DENND4A: variants seen among roughly 807,000 people sequenced by gnomAD.
DENND4A encodes the protein C-myc promoter-binding protein.
DENND4A carries 70 observed loss-of-function variants against 199.3 expected under a neutral mutation model. The ratio of observed to expected loss-of-function variants is 0.35; its 90% CI spans 0.29 to 0.43. The LOEUF is 0.43. DENND4A is among the 20% of genes least tolerant of loss of function. The pLI, the probability that DENND4A is intolerant of heterozygous loss-of-function variation, is 1.00. For synonymous variants in DENND4A, 686 were observed against 766.9 expected (o/e 0.89, Z 1.74); for missense variants, 1,723 against 2,255.8 (o/e 0.76, Z 4.78).
intron 6 of DENND4A, 24 bp downstream of exon 6, chr15:65,738,682 T>C: frequency 6.3e-7 from 1 of 1,576,078 alleles, no homozygotes; most frequent in African/African-American, 1.4e-5. Context: ...AATTTGTAGA[T>C]ACAATTTGTC....
At chr15:65,783,171 A>T (rs932667769) in intron 1 of DENND4A, among the ~76,000 whole-genome samples, 7 of 152,218 alleles carry the variant, frequency 4.6e-5, no homozygotes, top group African/African-American at 9.6e-5. Flanking sequence ...TGAAACTGGA[A>T]ACTCTAACAA....
At chr15:65,736,653 C>T (rs2076127870) in intron 7 of DENND4A, among the ~76,000 whole-genome samples, 1 of 152,052 alleles carries the variant, frequency 6.6e-6, no homozygotes, top group African/African-American at 2.4e-5. Context: ...ATTTGTCAAG[C>T]TTGGTGCAGT....
intron 32 of DENND4A, among the ~76,000 whole-genome samples, chr15:65,664,063 T>C (rs2075961979): frequency 1.3e-5 from 2 of 152,214 alleles, no homozygotes; most frequent in South Asian, 2.1e-4. Context: ...GTGTACAATT[T>C]AGTGTTTTTT....
At chr15:65,729,726 A>T in intron 9 of DENND4A, 48 bp from the exon 10 acceptor site, 4 of 1,495,716 alleles carry the variant, frequency 2.7e-6, no homozygotes, top group Non-Finnish European at 3.6e-6. Context: ...TGATCCAAAC[A>T]CCTCATTATC....
intron 4 of DENND4A, among the ~76,000 whole-genome samples, chr15:65,750,475 C>T (rs1371090587): frequency 4.0e-5 from 6 of 150,764 alleles, no homozygotes; most frequent in Non-Finnish European, 7.4e-5. Context: ...AAATGTACTC[C>T]GATTTTAAAA....
chr15:65,747,151 T>C (rs1452875250), intron 4 of DENND4A, among the ~76,000 whole-genome samples: 1 of 150,720 alleles, frequency 6.6e-6, no homozygotes, highest in African/African-American at 2.4e-5. Flanking sequence ...ACTAAGGAGA[T>C]AGTCTCAAAT....
intron 12 of DENND4A, among the ~76,000 whole-genome samples, chr15:65,719,917 G>A (rs921072315): frequency 6.6e-6 from 1 of 151,950 alleles, no homozygotes. Flanking sequence ...AAATAGATGG[G>A]TGGCCTGTAT....
chr15:65,728,470 T>C (rs1314785092), intron 11 of DENND4A, among the ~76,000 whole-genome samples: 4 of 149,364 alleles, frequency 2.7e-5, no homozygotes. Context: ...TAAATTTCTT[T>C]TTCTTTTTTT....
At chr15:65,763,337 CAT>C (rs1014084901) in intron 1 of DENND4A, among the ~76,000 whole-genome samples, 10 of 152,082 alleles carry the variant, frequency 6.6e-5, no homozygotes, top group African/African-American at 2.4e-4. Flanking sequence ...AGGTCCTTGA[CAT>C]GTGTGTGTCT....
rs2076268998 is a variant in DENND4A at position 65,741,797 on chromosome 15, A to G, written c.562-13T>C. 1 of 1,600,006 alleles carries G rather than the reference A, an allele frequency of 6.2e-7. No homozygotes were observed. The highest frequency in any genetic ancestry group is 8.5e-7 in the Non-Finnish European group (1 of 1,170,316). ...CTGCTGATCCCCACTGGATTTAAAA[A>G]AATAGAAATATCATTTAATTTTTAA... is the stretch of plus-strand genomic sequence containing the variant. On this transcript the variant is annotated splice_polypyrimidine_tract_variant and intron_variant, in intron 4 of 32. Coordinates refer to ENST00000443035, the MANE Select transcript of DENND4A (RefSeq NM_001320835.1).
At chr15:65,741,849 C>G in intron 4 of DENND4A, 65 bp from the exon 5 acceptor site, 1 of 1,294,586 alleles carries the variant, frequency 7.7e-7, no homozygotes, top group Non-Finnish European at 1.1e-6. Flanking sequence ...AAAATGGAAT[C>G]TCTTTGAGCT....
chr15:65,673,294 C>T (rs2076273182), intron 24 of DENND4A, among the ~76,000 whole-genome samples: 1 of 151,654 alleles, frequency 6.6e-6, no homozygotes, highest in Admixed American at 6.6e-5. Context: ...ATGGTGAAAA[C>T]CCTGTTTCTA....
At chr15:65,774,328 T>G (rs1045554653) in intron 1 of DENND4A, among the ~76,000 whole-genome samples, 2 of 151,980 alleles carry the variant, frequency 1.3e-5, no homozygotes, top group African/African-American at 4.8e-5. Flanking sequence ...CAGTCTCTAC[T>G]AAAAATACAA....
chr15:65,733,776 G>T (rs1378632620), intron 7 of DENND4A, among the ~76,000 whole-genome samples: 1 of 152,186 alleles, frequency 6.6e-6, no homozygotes, highest in Non-Finnish European at 1.5e-5. Flanking sequence ...GTTAATCTAT[G>T]ACCTTACCCC....
chr15:65,715,408 A>G, intron 14 of DENND4A, 70 bp downstream of exon 14: 1 of 1,391,582 alleles, frequency 7.2e-7, no homozygotes, highest in South Asian at 1.4e-5. Context: ...GTACATAGAA[A>G]CTATAACTCA....
chr15:65,717,866 A>G lies in DENND4A; in HGVS notation c.1719T>C (p.Ile573=), dbSNP rs1753738908. The G allele has an allele frequency of 6.2e-7, 1 of 1,604,224 alleles. No individual in the cohort carries two copies. The highest frequency in any genetic ancestry group is 8.5e-7 in the Non-Finnish European group (1 of 1,174,652). The change falls in exon 13 of 33, where the codon ATT becomes ATC. Residue 573 remains isoleucine (I), a synonymous_variant. Transcript: ENST00000443035. ...TTAAGTATGATCTGTAACCTTTTAA[A>G]ATAGAGGCCATGAAAAACAAAAATG... The part of the protein sequence containing the change: ...QEAFLFFMAS[I]LKGYRSYLRP...
At chr15:65,784,614 G>A (rs2077518697) in intron 1 of DENND4A, among the ~76,000 whole-genome samples, 1 of 152,132 alleles carries the variant, frequency 6.6e-6, no homozygotes, top group Non-Finnish European at 1.5e-5. Flanking sequence ...AGTCCTTTAA[G>A]GCATGTATAG....
In DENND4A at chr15:65,729,683, C is replaced by G; in HGVS notation, c.1167-5G>C. 1 of 1,543,176 alleles carries G rather than the reference C, an allele frequency of 6.5e-7. No individual in the cohort carries two copies. Among genetic ancestry groups the G allele is most frequent in the South Asian group, 1.2e-5 (1 of 81,754 alleles). On this transcript the variant is annotated splice_region_variant and splice_polypyrimidine_tract_variant and intron_variant, in intron 9 of 32. Transcript: ENST00000443035. ...AGTGTTGAAAACTTGCCACCACTGT[C>G]AATCCAAACAAAAATATATAATTAA...
chr15:65,664,599 A>C lies in DENND4A; in HGVS notation c.5483T>G (p.Leu1828Ter), dbSNP rs1566980008. 6.2e-7 allele frequency: 1 copy of C among 1,613,020 alleles called. No homozygotes were observed. The change falls in exon 31 of 33, where the codon TTA becomes TGA. Residue 1828 changes from leucine (L) to a stop codon, truncating the protein, a stop_gained. Transcript: ENST00000443035. LOFTEE classifies it high-confidence loss of function. ...NDVYGPMSQI[L>*]ETLNKCPHFK... ...ATGTGGACACTTATTCAGTGTCTCT[A>C]AAATCTGACTCATTGGTCCATAGAC...
Sources: allele counts gnomAD v4.1 joint callset (sites outside exome capture counted in the v4.1 genomes callset), GRCh38; gene constraint gnomAD v4.1.1; transcripts MANE v1.5; gene names NCBI Gene and HGNC (gene_info 2026-07-23, HGNC 2026-07-21).